Variants in NXPE2 observed in about 807,000 individuals in gnomAD.
NXPE2 encodes NXPE family member 2.
In NXPE2, 34 loss-of-function variants were observed where a neutral mutation model predicts 34.4. The observed-to-expected ratio is 0.99, with a 90% CI of 0.75 to 1.31. The LOEUF (loss-of-function observed/expected upper bound fraction) is 1.31. Ranked by LOEUF, NXPE2 falls within the 40% of genes most tolerant of loss-of-function variation. NXPE2 has a pLI of 0.00. For synonymous variants in NXPE2, 235 were observed against 231.3 expected, an observed-to-expected ratio of 1.02 and a Z score of -0.15; for missense variants, 649 against 672.5, an observed-to-expected ratio of 0.97 and a Z score of 0.39.
chr11:114,765,843 C>T, the NXPE2 span, among the ~76,000 whole-genome samples: 4 of 152,194 alleles, frequency 2.6e-5, no homozygotes, highest in Middle Eastern at 3.4e-3. Flanking sequence ...CTCCTTGGGC[C>T]TCTCTGCCCA....
Position 114,696,922 on chromosome 11 carries a change from T to C in NXPE2, c.133-1123T>C, listed in dbSNP as rs954831020. On this transcript the variant is annotated intron_variant, in intron 2 of 5. Transcript: ENST00000389586. Reference sequence around the variant, plus strand: ...ATGCTGTTTTTTTCTTGTACATAAATATCTATGATAAAGTTTAATTTATAA... The same window carrying C: ...ATGCTGTTTTTTTCTTGTACATAAACATCTATGATAAAGTTTAATTTATAA... Among the ~76,000 whole-genome samples, 2 of 152,172 alleles carry C rather than the reference T, an allele frequency of 1.3e-5. 1 individual carries two copies. Among genetic ancestry groups the C allele is most frequent in the Admixed American group, 1.3e-4 (2 of 15,278 alleles).
At chr11:114,654,743 C>T in the NXPE2 span, among the ~76,000 whole-genome samples, 13 of 152,220 alleles carry the variant, frequency 8.5e-5, no homozygotes, top group Admixed American at 3.9e-4. Context: ...GACTTGGTTC[C>T]GTGTCATTGC....
chr11:114,522,072 T>C, the NXPE2 span: 1 of 1,614,084 alleles, frequency 6.2e-7, no homozygotes, highest in Non-Finnish European at 8.5e-7. Context: ...CAGGCATCAA[T>C]GATGCCCACG....
the NXPE2 span, among the ~76,000 whole-genome samples, chr11:114,727,171 A>C: frequency 6.6e-6 from 1 of 152,100 alleles, no homozygotes. Context: ...CTGCTGTAAC[A>C]AAACACTATA....
chr11:114,697,915 C>A, intron 2 of NXPE2, 130 bp from the exon 3 acceptor site: 1 of 889,912 alleles, frequency 1.1e-6, no homozygotes, highest in Non-Finnish European at 1.6e-6. Flanking sequence ...TAACTGAAAA[C>A]CAGTTAGTAT....
At chr11:114,628,181 C>A in the NXPE2 span, among the ~76,000 whole-genome samples, 1 of 144,506 alleles carries the variant, frequency 6.9e-6, no homozygotes. Flanking sequence ...TAATAGACAT[C>A]TACAGAACTC....
the NXPE2 span, among the ~76,000 whole-genome samples, chr11:114,787,978 A>C: frequency 6.6e-5 from 10 of 152,100 alleles, no homozygotes; most frequent in Admixed American, 2.0e-4. Flanking sequence ...TGCAGCCTCA[A>C]TCCAGTCTGG....
chr11:114,648,068 T>TTA, the NXPE2 span, among the ~76,000 whole-genome samples: 1 of 152,186 alleles, frequency 6.6e-6, no homozygotes, highest in Non-Finnish European at 1.5e-5. Flanking sequence ...AAGACATATA[T>TTA]TGAGTCTTTG....
At chr11:114,602,194 A>C in the NXPE2 span, among the ~76,000 whole-genome samples, 1 of 108,994 alleles carries the variant, frequency 9.2e-6, no homozygotes, top group African/African-American at 3.7e-5. Flanking sequence ...ATTATATATA[A>C]TATATAATAC....
At chr11:114,797,208 G>A in the NXPE2 span, among the ~76,000 whole-genome samples, 1 of 152,164 alleles carries the variant, frequency 6.6e-6, no homozygotes, top group Non-Finnish European at 1.5e-5. Flanking sequence ...GCTGGATAAT[G>A]TCACATTAAT....
the NXPE2 span, among the ~76,000 whole-genome samples, chr11:114,468,637 C>A: frequency 2.0e-5 from 3 of 152,172 alleles, no homozygotes; most frequent in Non-Finnish European, 1.5e-5. Context: ...GCATCTAGTA[C>A]ATTAGAGACC....
the NXPE2 span, among the ~76,000 whole-genome samples, chr11:114,803,471 C>T: frequency 1.3e-5 from 2 of 152,294 alleles, no homozygotes; most frequent in African/African-American, 4.8e-5. Flanking sequence ...AAGCCTGAGA[C>T]CAAGGCACTG....
chr11:114,633,667 ATG>A, the NXPE2 span, among the ~76,000 whole-genome samples: 1 of 134,296 alleles, frequency 7.4e-6, no homozygotes, highest in African/African-American at 2.8e-5. Context: ...TCCTGTGTCC[ATG>A]TGTTCTCATT....
the NXPE2 span, among the ~76,000 whole-genome samples, chr11:114,610,416 C>T: frequency 6.7e-6 from 1 of 149,880 alleles, no homozygotes; most frequent in Non-Finnish European, 1.5e-5. Context: ...GGGAATAATA[C>T]CTATTGCCTC....
the NXPE2 span, among the ~76,000 whole-genome samples, chr11:114,548,983 G>A: frequency 6.6e-6 from 1 of 151,682 alleles, no homozygotes; most frequent in South Asian, 2.1e-4. Context: ...ACCTGAAAAG[G>A]GGGAAAAGTT....
the NXPE2 span, among the ~76,000 whole-genome samples, chr11:114,628,482 G>T: frequency 6.6e-6 from 1 of 151,900 alleles, no homozygotes; most frequent in Non-Finnish European, 1.5e-5. Flanking sequence ...TGAGAACAAA[G>T]ACACAACGTA....
At chr11:114,650,794 T>C in the NXPE2 span, among the ~76,000 whole-genome samples, 4 of 152,092 alleles carry the variant, frequency 2.6e-5, no homozygotes, top group African/African-American at 9.6e-5. Flanking sequence ...AAAGACTCTC[T>C]CTAAGTTCCA....
the NXPE2 span, among the ~76,000 whole-genome samples, chr11:114,634,467 G>C: frequency 5.3e-5 from 8 of 151,912 alleles, no homozygotes; most frequent in Non-Finnish European, 1.0e-4. Context: ...CTTTAGTTTA[G>C]TTAGATCCCA....
chr11:114,763,137 C>T, the NXPE2 span, among the ~76,000 whole-genome samples: 1 of 152,058 alleles, frequency 6.6e-6, no homozygotes, highest in South Asian at 2.1e-4. Context: ...GTCATATGGG[C>T]AATCTTCTAT....
Sources: allele counts gnomAD v4.1 joint callset (sites outside exome capture counted in the v4.1 genomes callset), GRCh38; gene constraint gnomAD v4.1.1; transcripts MANE v1.5; gene names NCBI Gene and HGNC (gene_info 2026-07-23, HGNC 2026-07-21).